The following NREP variants were observed in gnomAD, a reference collection of about 807,000 sequenced individuals.
NREP encodes the protein neuronal regeneration related protein, also known as neuronal regeneration-related protein.
In NREP, 5 loss-of-function variants were observed where a neutral mutation model predicts 8.6. That is an observed-to-expected ratio of 0.58 (90% confidence interval 0.30 to 1.22). The LOEUF (loss-of-function observed/expected upper bound fraction) is 1.22, where lower values mean the gene tolerates loss of function less well. Ranked by LOEUF, NREP falls within the 50% of genes most tolerant of loss-of-function variation. The pLI is 0.07. For synonymous variants in NREP, 27 were observed against 28.0 expected, an observed-to-expected ratio of 0.96 and a Z score of 0.11; for missense variants, 86 against 82.5, an observed-to-expected ratio of 1.04 and a Z score of -0.17.
chr5:111,906,885 T>C (rs1204643156), intron 2 of NREP, among the ~76,000 whole-genome samples: 2 of 152,044 alleles, frequency 1.3e-5, no homozygotes, highest in Non-Finnish European at 2.9e-5. Context: ...ATTTTAATAA[T>C]TCTTTCTATA....
chr5:111,812,429 AG>A (rs1752291614), intron 2 of NREP, among the ~76,000 whole-genome samples: 1 of 152,236 alleles, frequency 6.6e-6, no homozygotes, highest in Admixed American at 6.5e-5. Context: ...TTAAGATTGT[AG>A]GTATCCAGTA....
intron 2 of NREP, among the ~76,000 whole-genome samples, chr5:111,747,980 G>A (rs1422350707): frequency 6.6e-6 from 1 of 152,152 alleles, no homozygotes. Flanking sequence ...CTACTGTCAT[G>A]ACTGCCTCAG....
At chr5:111,969,149 T>G (rs1327131281) in intron 2 of NREP, among the ~76,000 whole-genome samples, 1 of 152,184 alleles carries the variant, frequency 6.6e-6, no homozygotes, top group African/African-American at 2.4e-5. Flanking sequence ...AGCCTAAAAA[T>G]GTTTCTAATG....
At chr5:111,733,471 A>T (rs1054130458) in intron 3 of NREP, 11 of 150,700 alleles carry the variant, frequency 7.3e-5, no homozygotes, top group African/African-American at 2.7e-4. Flanking sequence ...TCTTCCCCTG[A>T]CTGATTTCAA....
intron 2 of NREP, among the ~76,000 whole-genome samples, chr5:111,802,277 T>C (rs138460750): frequency 4.0e-5 from 6 of 151,784 alleles, no homozygotes; most frequent in East Asian, 3.9e-4. Flanking sequence ...TGAAGAAAAA[T>C]GTTAAGAAGG....
chr5:111,955,048 GTTGT>G (rs1639302294), intron 2 of NREP, among the ~76,000 whole-genome samples: 1 of 152,126 alleles, frequency 6.6e-6, no homozygotes, highest in Non-Finnish European at 1.5e-5. Flanking sequence ...AGTGGGCCTG[GTTGT>G]TTGTTTTCAC....
chr5:111,772,055 C>A (rs1430347196), intron 2 of NREP, among the ~76,000 whole-genome samples: 2 of 152,130 alleles, frequency 1.3e-5, no homozygotes, highest in African/African-American at 2.4e-5. Context: ...AGGAATTCCA[C>A]GATCTGTAAA....
intron 2 of NREP, among the ~76,000 whole-genome samples, chr5:111,892,696 T>A (rs1243718979): frequency 6.6e-6 from 1 of 152,244 alleles, no homozygotes; most frequent in East Asian, 1.9e-4. Context: ...TTGCCTACGA[T>A]CTAATATAAT....
intron 2 of NREP, among the ~76,000 whole-genome samples, chr5:111,788,072 C>A (rs1252979836): frequency 1.3e-5 from 2 of 151,922 alleles, no homozygotes; most frequent in African/African-American, 4.8e-5. Context: ...CCCTGGGTAA[C>A]AAAGCAAGAC....
chr5:111,920,989 T>G (rs1279475285), intron 2 of NREP, among the ~76,000 whole-genome samples: 2 of 152,124 alleles, frequency 1.3e-5, no homozygotes, highest in African/African-American at 2.4e-5. Flanking sequence ...CTTTCCTTCC[T>G]TATCTGTGTT....
rs1041684426 is a variant in NREP at position 111,882,182 on chromosome 5, T to C, written c.135+93092A>G. The stretch of plus-strand genomic sequence containing the variant: ...CAAGGCTGGAGAACTACGTGAAGAA[T>C]GCAGAAGCCTCAGGAGCCGATGTGA... On this transcript the variant is annotated intron_variant, in intron 2 of 3. Transcript: ENST00000395634. 2.0e-5 allele frequency among the ~76,000 whole-genome samples: 3 copies of C among 152,132 alleles called. No homozygotes were observed. In the East Asian group the frequency reaches 5.8e-4, roughly 29 times the overall value.
intron 1 of NREP, among the ~76,000 whole-genome samples, chr5:111,975,620 T>C (rs1756941256): frequency 6.6e-6 from 1 of 152,148 alleles, no homozygotes; most frequent in Admixed American, 6.6e-5. Flanking sequence ...AAAAAGGTGT[T>C]TGACAAAGAA....
At chr5:111,757,519 C>T, upstream of NREP, 1 of 984,936 alleles carries the variant, frequency 1.0e-6, no homozygotes. Context: ...AGCGCCCCAG[C>T]CTTGCTGCCA....
At chr5:111,742,572 G>A (rs1217781380) in intron 2 of NREP, among the ~76,000 whole-genome samples, 1 of 152,034 alleles carries the variant, frequency 6.6e-6, no homozygotes, top group Non-Finnish European at 1.5e-5. Flanking sequence ...AGACTTTCAA[G>A]GGGGGCAAGA....
intron 2 of NREP, among the ~76,000 whole-genome samples, chr5:111,952,734 G>A (rs76698750): frequency 0.012 from 1,753 of 152,194 alleles, 39 homozygotes; most frequent in African/African-American, 0.04. Context: ...AGAGGGGGAA[G>A]TTGGTTGGAT....
chr5:111,962,511 G>A (rs2112655599), intron 2 of NREP, among the ~76,000 whole-genome samples: 1 of 152,244 alleles, frequency 6.6e-6, no homozygotes, highest in East Asian at 1.9e-4. Context: ...CAGAATGATG[G>A]TGATAGATGT....
At chr5:111,737,451 C>T (rs1431729339) in intron 2 of NREP, among the ~76,000 whole-genome samples, 1 of 152,054 alleles carries the variant, frequency 6.6e-6, no homozygotes, top group East Asian at 1.9e-4. Flanking sequence ...CTGTTGGAAA[C>T]CAAAAACGTT....
intron 2 of NREP, among the ~76,000 whole-genome samples, chr5:111,901,601 C>T (rs984495787): frequency 1.3e-4 from 20 of 152,026 alleles, no homozygotes; most frequent in African/African-American, 4.3e-4. Flanking sequence ...AACTAGTCAA[C>T]AAATTCAGTA....
At chr5:111,958,546 T>A (rs13169766) in intron 2 of NREP, among the ~76,000 whole-genome samples, 76,435 of 151,694 alleles carry the variant, frequency 0.5, 20,455 homozygotes, top group African/African-American at 0.67. Flanking sequence ...ATAGCCAATT[T>A]AAAAAATTTC....
Sources: allele counts gnomAD v4.1 joint callset (sites outside exome capture counted in the v4.1 genomes callset), GRCh38; gene constraint gnomAD v4.1.1; transcripts MANE v1.5; gene names NCBI Gene and HGNC (gene_info 2026-07-23, HGNC 2026-07-21).